THBS4: variants seen among roughly 807,000 people sequenced by gnomAD.
THBS4 encodes the protein thrombospondin 4.
Under a neutral mutation model 115.7 loss-of-function variants are expected in THBS4, and 90 were observed. The ratio of observed to expected loss-of-function variants is 0.78; its 90% CI spans 0.66 to 0.93. The LOEUF (loss-of-function observed/expected upper bound fraction) is 0.93. Ranked by LOEUF, THBS4 falls within the 40% of genes least tolerant of loss-of-function variation. The pLI is 0.00. For missense variants in THBS4, 1,087 were observed against 1,232.7 expected (o/e 0.88, Z 1.77); for synonymous variants, 460 against 479.3 (o/e 0.96, Z 0.53).
At position 80,027,242 on chromosome 5, in the gene THBS4, G is replaced by A. The variant is rs530833235; in HGVS notation, n.178-12835G>A. Among the ~76,000 whole-genome samples, 8 of 152,256 alleles carry A rather than the reference G, an allele frequency of 5.3e-5. No homozygotes were observed. The East Asian group carries it at 1.5e-3, about 29-fold the overall frequency. ...GTAAGACCTGAAGAGAAGTCTGTTG[G>A]GGTGCTTCTAGGAAAGGTTTTTCTC... On this transcript the variant is annotated intron_variant and non_coding_transcript_variant, in intron 2 of 3. Transcript: ENST00000510218.
intron 2 of THBS4, among the ~76,000 whole-genome samples, chr5:80,048,632 A>ATG (rs56183875): frequency 0.039 from 5,679 of 147,230 alleles, 108 homozygotes; most frequent in Middle Eastern, 0.069. Flanking sequence ...CACTAGATAG[A>ATG]TGTGTGTGTG....
chr5:80,069,070 C>A (rs1171415301), intron 10 of THBS4, among the ~76,000 whole-genome samples: 6 of 152,254 alleles, frequency 3.9e-5, no homozygotes, highest in African/African-American at 1.2e-4. Flanking sequence ...AGCTGCCCCC[C>A]TCCTCTGCAC....
Position 80,035,883 on chromosome 5 carries a change from G to A in THBS4, c.88+258G>A, listed in dbSNP as rs1459130063. 2.8e-6 allele frequency: 2 copies of A among 714,306 alleles called. No homozygotes were observed. The highest frequency in any genetic ancestry group is 1.9e-6 in the Non-Finnish European group (1 of 529,114). The allele number at this position is 714,306 out of a possible 1,614,324, so 44.2% of individuals were successfully genotyped here. On this transcript the variant is annotated intron_variant, in intron 1 of 21. Transcript: ENST00000350881. This position sits in a 1 kb window ranked among gnomAD's most constrained non-coding sequence, Gnocchi z 4.6. ...ATTGTTTCAGACTATGCAAAGATGT[G>A]GGGTGGGGTTGCCTTCAAAACTTGC... is the stretch of plus-strand genomic sequence containing the variant.
intron 2 of THBS4, among the ~76,000 whole-genome samples, chr5:80,009,923 A>G (rs899458123): frequency 2.6e-5 from 4 of 152,146 alleles, no homozygotes; most frequent in African/African-American, 9.7e-5. Context: ...GCTTGAAGCC[A>G]GGAGTTCAAG....
chr5:80,000,969 G>A (rs1407446605), intron 2 of THBS4, among the ~76,000 whole-genome samples: 1 of 152,084 alleles, frequency 6.6e-6, no homozygotes, highest in Non-Finnish European at 1.5e-5. Flanking sequence ...ATTTGGACCT[G>A]TTTTTAAAAC....
chr5:80,054,318 CTTTTTTT>C (rs56296474), intron 2 of THBS4, among the ~76,000 whole-genome samples: 3 of 123,948 alleles, frequency 2.4e-5, no homozygotes, highest in Non-Finnish European at 3.3e-5. Context: ...CACACCTGGC[CTTTTTTT>C]TTTTTTTTTT....
chr5:80,028,295 T>C (rs1832519417), intron 2 of THBS4, among the ~76,000 whole-genome samples: 1 of 152,112 alleles, frequency 6.6e-6, no homozygotes, highest in African/African-American at 2.4e-5. Context: ...TCTGCCCTTC[T>C]TTCACCCACA....
In THBS4 at chr5:80,061,788, A is replaced by C; in HGVS notation, c.1081A>C (p.Met361Leu). Residue 361 changes from methionine (M) to leucine (L), a missense_variant, in exon 8 of 22, where the codon ATG becomes CTG. Met to Leu is a conservative substitution (Grantham distance 15). This residue lies in a region of THBS4 where 979 missense variants were observed against 1,103.7 expected (regional missense o/e 0.89). Transcript: ENST00000350881. Reference sequence around the variant, plus strand: ...CTGCCCAGTGGGCTTCACAGGGCCCATGGTGCAGGGTGTTGGGATCAGTTT... The same window carrying C: ...CTGCCCAGTGGGCTTCACAGGGCCCCTGGTGCAGGGTGTTGGGATCAGTTT... ...DACPVGFTGP[M>L]VQGVGISFAK... 1 of 1,614,080 alleles carries C rather than the reference A, an allele frequency of 6.2e-7. No individual in the cohort carries two copies. Among genetic ancestry groups the C allele is most frequent in the Non-Finnish European group, 8.5e-7 (1 of 1,180,012 alleles).
upstream of THBS4, among the ~76,000 whole-genome samples, chr5:80,030,967 C>T (rs576389554): frequency 6.6e-6 from 1 of 152,274 alleles, no homozygotes; most frequent in South Asian, 2.1e-4. Context: ...TATCAGTGCA[C>T]AGTATGGGTG....
chr5:80,029,398 A>G (rs998926144), intron 2 of THBS4, among the ~76,000 whole-genome samples: 12 of 152,004 alleles, frequency 7.9e-5, no homozygotes, highest in Non-Finnish European at 1.8e-4. Flanking sequence ...GTTGTTATAA[A>G]CTCTCTCTGG....
intron 15 of THBS4, chr5:80,074,308 C>G (rs1743078768): frequency 1.3e-5 from 2 of 152,114 alleles, no homozygotes; most frequent in South Asian, 4.1e-4. Flanking sequence ...CCTCCTAGCT[C>G]AACACGATGG....
At chr5:80,051,343 G>GCA (rs1833250606) in intron 2 of THBS4, among the ~76,000 whole-genome samples, 2 of 152,072 alleles carry the variant, frequency 1.3e-5, no homozygotes, top group Non-Finnish European at 2.9e-5. Flanking sequence ...TAAAATAAGT[G>GCA]TAGAGGCACT....
intron 13 of THBS4, 37 bp downstream of exon 13, chr5:80,071,217 C>G (rs779206020): frequency 6.4e-7 from 1 of 1,553,426 alleles, no homozygotes; most frequent in East Asian, 2.3e-5. Flanking sequence ...ATTTGGAATT[C>G]AGTTGACCTT....
At chr5:79,992,696 C>T (rs1462402134) in intron 1 of THBS4, among the ~76,000 whole-genome samples, 1 of 152,084 alleles carries the variant, frequency 6.6e-6, no homozygotes, top group East Asian at 1.9e-4. Flanking sequence ...GAATTCTGTC[C>T]TCGGGAGTTT....
At chr5:80,025,455 G>A (rs1832457519) in intron 2 of THBS4, among the ~76,000 whole-genome samples, 1 of 152,320 alleles carries the variant, frequency 6.6e-6, no homozygotes, top group African/African-American at 2.4e-5. Context: ...TCAAGGCACT[G>A]CAGCCCTCAG....
At position 80,079,925 on chromosome 5, in the gene THBS4, T is replaced by G. The variant is rs1743403888; in HGVS notation, c.2532T>G (p.Gly844=). The G allele has an allele frequency of 1.2e-6, 2 of 1,613,936 alleles. No individual in the cohort carries two copies. Among genetic ancestry groups the G allele is most frequent in the Non-Finnish European group, 1.7e-6 (2 of 1,180,014 alleles). Reference sequence around the variant, plus strand: ...TGCAGGCTGTGAAGTCTAAGACAGGTCCAGGGGAGCATCTCCGGAACTCCC... The same window carrying G: ...TGCAGGCTGTGAAGTCTAAGACAGGGCCAGGGGAGCATCTCCGGAACTCCC... ...IQLKAVKSKT[G]PGEHLRNSLW... Residue 844 remains glycine, a synonymous_variant, in exon 20 of 22, where the codon GGT becomes GGG. Coordinates refer to ENST00000350881, the MANE Select transcript of THBS4 (RefSeq NM_003248.6).
At chr5:80,007,935 C>T (rs1449340949) in intron 2 of THBS4, among the ~76,000 whole-genome samples, 1 of 152,086 alleles carries the variant, frequency 6.6e-6, no homozygotes, top group Non-Finnish European at 1.5e-5. Flanking sequence ...GATGCTCCTA[C>T]AAGAAAAGAG....
chr5:80,005,574 G>C (rs1292953579), intron 2 of THBS4, among the ~76,000 whole-genome samples: 1 of 152,088 alleles, frequency 6.6e-6, no homozygotes, highest in Admixed American at 6.5e-5. Context: ...CTGGGGTCCA[G>C]GCTCTGCTGT....
In THBS4 at chr5:80,035,891, G is replaced by T; in HGVS notation, c.88+266G>T. 1.2e-6 allele frequency: 1 copy of T among 800,756 alleles called. No individual in the cohort carries two copies. Among genetic ancestry groups the T allele is most frequent in the South Asian group, 6.3e-5 (1 of 15,786 alleles). 49.6% of individuals were successfully genotyped at this position (800,756 alleles called of 1,614,324 possible). A position where few individuals can be genotyped will look rare whatever the true frequency, so the allele number is the denominator to read the frequency against. On this transcript the variant is annotated intron_variant, in intron 1 of 21. Coordinates refer to ENST00000350881, the MANE Select transcript of THBS4 (RefSeq NM_003248.6). The surrounding 1 kb of genome is among the most constrained non-coding windows in gnomAD (Gnocchi z 4.6). ...AGACTATGCAAAGATGTGGGGTGGG[G>T]TTGCCTTCAAAACTTGCTACACGGT...
Sources: gnomAD v4.1 joint callset for allele counts (sites outside exome capture counted in the v4.1 genomes callset) on GRCh38, gnomAD v4.1.1 for gene constraint, gnomAD v4.1.1 regional missense constraint, Gnocchi (gnomAD v3.1) non-coding constraint, MANE v1.5 for transcripts, NCBI Gene and HGNC (gene_info 2026-07-23, HGNC 2026-07-21) for gene names.